SLC9C2: variants seen among roughly 807,000 people sequenced by gnomAD.
SLC9C2 encodes sodium/hydrogen exchanger 11.
Under a neutral mutation model 140.2 loss-of-function variants are expected in SLC9C2, and 75 were observed. The ratio of observed to expected loss-of-function variants is 0.53; its 90% confidence interval spans 0.44 to 0.65. The LOEUF is 0.65. Ranked by LOEUF, SLC9C2 falls within the 30% of genes least tolerant of loss-of-function variation. The pLI, the probability that SLC9C2 is intolerant of heterozygous loss-of-function variation, is 0.00. For missense variants in SLC9C2, 1,074 were observed against 1,331.8 expected, an observed-to-expected ratio of 0.81 and a Z score of 3.01; for synonymous variants, 375 against 420.9, an observed-to-expected ratio of 0.89 and a Z score of 1.34.
intron 9 of SLC9C2, among the ~76,000 whole-genome samples, chr1:173,570,245 G>A (rs1664756440): frequency 1.3e-5 from 2 of 152,212 alleles, no homozygotes; most frequent in South Asian, 4.2e-4. Context: ...CAAGGCCCAA[G>A]AGCTCTTTAG....
At position 173,509,581 on chromosome 1, in the gene SLC9C2, C is replaced by T. The variant is rs1411095084; in HGVS notation, c.3026G>A (p.Ser1009Asn). The T allele has an allele frequency of 6.4e-7, 1 of 1,564,274 alleles. No individual in the cohort carries two copies. The highest frequency in any genetic ancestry group is 2.0e-5 in the Admixed American group (1 of 50,222). ...LSTAYQYFES[S>N]LIDEDLRFQN... ...CACATAACTTACCTCATCAATAAGA[C>T]TTGATTCAAAATACTGATAGGCAGT... Residue 1009 changes from serine to asparagine, a missense_variant, in exon 24 of 28, where the codon AGT (serine) becomes AAT (asparagine). By Grantham distance (46) the Ser-to-Asn change is conservative. Coordinates refer to ENST00000367714, the MANE Select transcript of SLC9C2 (RefSeq NM_178527.4).
rs187186947 is a variant in SLC9C2, at chr1:173,544,572, G to A, written c.1557+3117C>T. On this transcript the variant is annotated intron_variant, in intron 13 of 27. Coordinates refer to ENST00000367714, the MANE Select transcript of SLC9C2 (RefSeq NM_178527.4). ...ATACATGCAAACTCTGTTTATTGAG[G>A]CATCATTCACAATAGCAAAGACTTG... Among the ~76,000 whole-genome samples, 45 of 152,204 alleles carry A rather than the reference G, an allele frequency of 3.0e-4. No homozygotes were observed. The Middle Eastern group carries it at 0.01, about 35-fold the overall frequency.
intron 21 of SLC9C2, among the ~76,000 whole-genome samples, chr1:173,522,482 G>T (rs1424670109): frequency 6.6e-6 from 1 of 152,186 alleles, no homozygotes; most frequent in Non-Finnish European, 1.5e-5. Context: ...CCATCCACTA[G>T]GCATCAGCAG....
intron 11 of SLC9C2, among the ~76,000 whole-genome samples, chr1:173,551,840 G>A (rs1311814073): frequency 6.6e-6 from 1 of 152,130 alleles, no homozygotes; most frequent in African/African-American, 2.4e-5. Context: ...GTGAAAGTAA[G>A]AGTCATACAT....
Position 173,536,999 on chromosome 1 carries a change from A to T in SLC9C2, c.1598T>A (p.Ile533Lys). ...ACCAATTAATATCCGGGCTGCCTCT[A>T]TTTCAAGAATTCCATTGTTACGCTG... ...EKQRNNGILEIEAARILIGAA... is the reference protein window; with the variant it reads ...EKQRNNGILEKEAARILIGAA... Residue 533 changes from isoleucine to lysine, a missense_variant, in exon 14 of 28, where the codon ATA becomes AAA. Physicochemically the swap from Ile to Lys is moderately radical, Grantham distance 102 (BLOSUM62 -3). Transcript: ENST00000367714. 1 of 1,613,826 alleles carries T rather than the reference A, an allele frequency of 6.2e-7. No homozygotes were observed. Among genetic ancestry groups the T allele is most frequent in the Non-Finnish European group, 8.5e-7 (1 of 1,179,822 alleles).
At chr1:173,584,989 A>G (rs1665766164) in intron 5 of SLC9C2, among the ~76,000 whole-genome samples, 1 of 152,246 alleles carries the variant, frequency 6.6e-6, no homozygotes, top group Non-Finnish European at 1.5e-5. Context: ...AAAGAAAAGA[A>G]TAAAACAAAT....
Position 173,536,956 on chromosome 1 carries a change from G to A in SLC9C2, c.1641C>T (p.Tyr547=), listed in dbSNP as rs1236388116. ...RILIGAAKCY[Y]SIQGKFMSIY... ...GTTATACTTACTTTCCTTGGATGGA[G>A]TAATAGCATTTTGCTGCACCAATTA... The change falls in exon 14 of 28, where the codon TAC becomes TAT. Residue 547 remains tyrosine (Y), a synonymous_variant. Coordinates refer to ENST00000367714, the MANE Select transcript of SLC9C2 (RefSeq NM_178527.4). The A allele has an allele frequency of 3.7e-6, 6 of 1,612,694 alleles. No homozygotes were observed. Among genetic ancestry groups the A allele is most frequent in the Non-Finnish European group, 5.1e-6 (6 of 1,179,030 alleles).
In SLC9C2 at chr1:173,529,476, C is replaced by G. The variant is rs1372992667; in HGVS notation, c.2313+429G>C. ...AAATAAATACTTCTACTCACCCACC[C>G]CACAGTACCAGGATTTCAACTTTTC... On this transcript the variant is annotated intron_variant, in intron 18 of 27. Coordinates refer to ENST00000367714, the MANE Select transcript of SLC9C2 (RefSeq NM_178527.4). 2.0e-5 allele frequency among the ~76,000 whole-genome samples: 3 copies of G among 151,992 alleles called. No individual in the cohort carries two copies. The East Asian group carries it at 5.8e-4, about 29-fold the overall frequency.
At chr1:173,555,092 A>G (rs901549345) in intron 10 of SLC9C2, among the ~76,000 whole-genome samples, 1 of 152,162 alleles carries the variant, frequency 6.6e-6, no homozygotes, top group Admixed American at 6.5e-5. Flanking sequence ...CACAGTTGCC[A>G]CTCCTGGCAG....
chr1:173,561,927 G>T (rs1346868477), intron 9 of SLC9C2, among the ~76,000 whole-genome samples: 3 of 151,616 alleles, frequency 2.0e-5, no homozygotes, highest in Non-Finnish European at 4.4e-5. Context: ...ACTGACCTGG[G>T]AAGTCACTAG....
chr1:173,561,415 C>T (rs1664096767), intron 9 of SLC9C2, among the ~76,000 whole-genome samples: 1 of 152,144 alleles, frequency 6.6e-6, no homozygotes, highest in Non-Finnish European at 1.5e-5. Context: ...TTTTTTAAGG[C>T]AAGTTTGCAT....
chr1:173,545,948 C>T (rs1456540227), intron 13 of SLC9C2, among the ~76,000 whole-genome samples: 1 of 152,106 alleles, frequency 6.6e-6, no homozygotes, highest in East Asian at 1.9e-4. Flanking sequence ...ATGGCAGTCT[C>T]AGGGTGGCAT....
intron 18 of SLC9C2, among the ~76,000 whole-genome samples, chr1:173,529,213 G>A (rs1448701362): frequency 6.6e-6 from 1 of 152,174 alleles, no homozygotes; most frequent in East Asian, 1.9e-4. Flanking sequence ...AGCTATGAGT[G>A]AAAAATAAGG....
At chr1:173,538,559 C>G (rs1362123690) in intron 13 of SLC9C2, among the ~76,000 whole-genome samples, 1 of 151,938 alleles carries the variant, frequency 6.6e-6, no homozygotes, top group Middle Eastern at 3.4e-3. Flanking sequence ...TATGATAAAA[C>G]AGGAAATTAA....
intron 9 of SLC9C2, among the ~76,000 whole-genome samples, chr1:173,569,984 A>G (rs1235651675): frequency 2.6e-5 from 4 of 152,102 alleles, no homozygotes; most frequent in East Asian, 3.9e-4. Context: ...ACCACCACCC[A>G]TGTTCACTTA....
chr1:173,563,219 G>C (rs1482077349), intron 9 of SLC9C2, among the ~76,000 whole-genome samples: 2 of 151,754 alleles, frequency 1.3e-5, no homozygotes, highest in South Asian at 4.2e-4. Context: ...AGCTGATGAG[G>C]GGGGCAGGGC....
intron 9 of SLC9C2, among the ~76,000 whole-genome samples, chr1:173,564,415 T>C (rs1379981962): frequency 2.0e-5 from 3 of 152,212 alleles, no homozygotes; most frequent in African/African-American, 7.2e-5. Context: ...TCAGATGATA[T>C]CTTACTGTAG....
chr1:173,508,067 G>T (rs1659782457), intron 24 of SLC9C2, among the ~76,000 whole-genome samples: 1 of 151,886 alleles, frequency 6.6e-6, no homozygotes, highest in Non-Finnish European at 1.5e-5. Context: ...GTCACTGACA[G>T]GTGAATCATA....
chr1:173,576,941 G>A (rs1306357151), intron 7 of SLC9C2, among the ~76,000 whole-genome samples, 181 bp from the exon 8 acceptor site: 2 of 152,116 alleles, frequency 1.3e-5, no homozygotes, highest in South Asian at 2.1e-4. Flanking sequence ...TTCTATAAAG[G>A]GCCACATAGT....
Sources: allele counts gnomAD v4.1 joint callset (sites outside exome capture counted in the v4.1 genomes callset), GRCh38; gene constraint gnomAD v4.1.1; transcripts MANE v1.5; gene names NCBI Gene and HGNC (gene_info 2026-07-23, HGNC 2026-07-21).